The following LRP1B variants were observed in gnomAD, a reference collection of about 807,000 sequenced individuals.
LRP1B encodes the protein LDL receptor related protein 1B.
LRP1B carries 217 observed loss-of-function variants against 556.6 expected under a neutral mutation model. That is an observed-to-expected ratio of 0.39 (90% CI 0.35 to 0.44). LRP1B has a LOEUF of 0.44. Ranked by LOEUF, LRP1B falls within the 20% of genes least tolerant of loss-of-function variation. LRP1B has a pLI of 1.00. For missense variants in LRP1B, 5,053 were observed against 5,620.8 expected (o/e 0.90, Z 3.23); for synonymous variants, 2,047 against 1,865.8 (o/e 1.10, Z -2.50).
intron 32 of LRP1B, among the ~76,000 whole-genome samples, chr2:140,782,159 C>A (rs1232530159): frequency 6.6e-6 from 1 of 152,076 alleles, no homozygotes; most frequent in Non-Finnish European, 1.5e-5. Context: ...AAGCAGGGAG[C>A]TAATATAGGG....
At chr2:142,047,998 G>A (rs1053401302) in intron 1 of LRP1B, among the ~76,000 whole-genome samples, 4 of 152,032 alleles carry the variant, frequency 2.6e-5, no homozygotes, top group African/African-American at 7.2e-5. Context: ...GCATAAGTAT[G>A]AGCGTATTAC....
intron 11 of LRP1B, among the ~76,000 whole-genome samples, chr2:141,033,972 G>C (rs1698455227): frequency 6.6e-6 from 1 of 151,944 alleles, no homozygotes; most frequent in Non-Finnish European, 1.5e-5. Flanking sequence ...TCCATTCTTT[G>C]AGTATGCTTC....
chr2:142,128,179 T>G (rs1234320889), intron 1 of LRP1B, among the ~76,000 whole-genome samples: 1 of 152,142 alleles, frequency 6.6e-6, no homozygotes, highest in Non-Finnish European at 1.5e-5. Flanking sequence ...CTTGTTCTAT[T>G]TAATACAATG....
intron 59 of LRP1B, among the ~76,000 whole-genome samples, chr2:140,484,352 A>G (rs1688377324): frequency 6.6e-6 from 1 of 152,306 alleles, no homozygotes; most frequent in Admixed American, 6.5e-5. Flanking sequence ...AAAAATTAAC[A>G]GAGATACATT....
chr2:141,768,356 T>A (rs191955981), intron 2 of LRP1B, among the ~76,000 whole-genome samples: 17 of 149,544 alleles, frequency 1.1e-4, no homozygotes, highest in African/African-American at 4.0e-4. Context: ...CAATATTATA[T>A]CTCATTATCT....
intron 3 of LRP1B, among the ~76,000 whole-genome samples, chr2:141,325,070 C>T: frequency 6.6e-6 from 1 of 151,774 alleles, no homozygotes; most frequent in East Asian, 1.9e-4. Flanking sequence ...TTTGTAATAA[C>T]ATAACTGTTG....
intron 35 of LRP1B, among the ~76,000 whole-genome samples, chr2:140,730,066 A>G (rs990777359): frequency 2.0e-5 from 3 of 152,150 alleles, no homozygotes; most frequent in Admixed American, 6.5e-5. Flanking sequence ...TAACAACCAC[A>G]TCCAATCAAT....
At chr2:140,700,694 A>T (rs1220074866) in intron 40 of LRP1B, 73 bp from the exon 41 acceptor site, 1 of 1,472,126 alleles carries the variant, frequency 6.8e-7, no homozygotes, top group Non-Finnish European at 9.3e-7. Flanking sequence ...AATTCTCCAT[A>T]AAGAAATATT....
intron 83 of LRP1B, among the ~76,000 whole-genome samples, chr2:140,304,357 A>G (rs901959186): frequency 2.0e-5 from 3 of 152,068 alleles, no homozygotes; most frequent in Admixed American, 6.6e-5. Context: ...CATTCTAACT[A>G]GTGTGAGATG....
At chr2:140,991,823 G>T (rs1219678586) in intron 16 of LRP1B, among the ~76,000 whole-genome samples, 3 of 152,032 alleles carry the variant, frequency 2.0e-5, no homozygotes, top group African/African-American at 7.2e-5. Flanking sequence ...GAGAAAAACA[G>T]GACATGTTTT....
intron 43 of LRP1B, among the ~76,000 whole-genome samples, chr2:140,564,665 C>T (rs562872522): frequency 2.0e-5 from 3 of 151,986 alleles, no homozygotes; most frequent in South Asian, 4.1e-4. Context: ...TCTCTTATTC[C>T]AGTCATCAAT....
intron 35 of LRP1B, among the ~76,000 whole-genome samples, chr2:140,760,624 G>T (rs542968275): frequency 6.6e-6 from 1 of 152,158 alleles, no homozygotes; most frequent in Admixed American, 6.5e-5. Context: ...AGTGGCTCAC[G>T]CCTGTAATTC....
At chr2:141,821,409 A>G (rs982111417) in intron 1 of LRP1B, among the ~76,000 whole-genome samples, 1 of 152,192 alleles carries the variant, frequency 6.6e-6, no homozygotes, top group African/African-American at 2.4e-5. Flanking sequence ...TAGTTTCAAC[A>G]TGATCTACTT....
intron 1 of LRP1B, among the ~76,000 whole-genome samples, chr2:141,930,299 A>G (rs545876705): frequency 6.6e-6 from 1 of 152,212 alleles, no homozygotes; most frequent in Non-Finnish European, 1.5e-5. Context: ...CATTATAATG[A>G]CCATATTCCC....
rs1363339929 is a variant in LRP1B, at chr2:141,454,459, T to A, written c.343+25937A>T. On this transcript the variant is annotated intron_variant, in intron 3 of 90. Coordinates refer to ENST00000389484, the MANE Select transcript of LRP1B (RefSeq NM_018557.3). ...CCCTGCGTGCACTGCCCTACTCAGC[T>A]ACTATGGGCCCACTTACATGGTCTG... Among the ~76,000 whole-genome samples the A allele has an allele frequency of 2.6e-5, 4 of 152,146 alleles. 1 individual carries two copies. The highest frequency in any genetic ancestry group is 6.3e-3 in the Middle Eastern group (2 of 316).
chr2:141,482,954 T>A (rs1182279356), intron 2 of LRP1B, among the ~76,000 whole-genome samples: 5 of 4,176 alleles, frequency 1.2e-3, no homozygotes, highest in African/African-American at 1.4e-3. Context: ...TTTGTTTTGT[T>A]TTTTTATTTT....
intron 3 of LRP1B, among the ~76,000 whole-genome samples, chr2:141,398,572 CG>C (rs1690331978): frequency 6.6e-6 from 1 of 152,082 alleles, no homozygotes; most frequent in African/African-American, 2.4e-5. Context: ...ATTGTACCCC[CG>C]GCTGACAGGC....
At chr2:141,840,225 G>C (rs1012003092) in intron 1 of LRP1B, among the ~76,000 whole-genome samples, 12 of 149,580 alleles carry the variant, frequency 8.0e-5, no homozygotes, top group African/African-American at 3.0e-4. Context: ...AGAAACCCTA[G>C]GTCATTAGGT....
chr2:141,906,071 G>C (rs1378827533), intron 1 of LRP1B, among the ~76,000 whole-genome samples: 1 of 151,212 alleles, frequency 6.6e-6, no homozygotes, highest in Non-Finnish European at 1.5e-5. Flanking sequence ...GTGGGAGGGG[G>C]AAGAAAATGA....
Sources: gnomAD v4.1 joint callset for allele counts (sites outside exome capture counted in the v4.1 genomes callset) on GRCh38, gnomAD v4.1.1 for gene constraint, MANE v1.5 for transcripts, NCBI Gene and HGNC (gene_info 2026-07-23, HGNC 2026-07-21) for gene names.